The following HDC variants were observed in gnomAD, a reference collection of about 807,000 sequenced individuals.
HDC encodes the protein histidine decarboxylase.
In HDC, 27 loss-of-function variants were observed where a neutral mutation model predicts 64.4. The observed-to-expected ratio is 0.42, with a 90% CI of 0.31 to 0.58. HDC has a LOEUF of 0.58. Ranked by LOEUF, HDC falls within the 20% of genes least tolerant of loss-of-function variation. HDC has a pLI of 0.16. For missense variants in HDC, 711 were observed against 833.9 expected (o/e 0.85, Z 1.81); for synonymous variants, 305 against 314.2 (o/e 0.97, Z 0.31).
chr15:50,246,566 C>T (rs190542460), intron 10 of HDC, among the ~76,000 whole-genome samples: 48 of 152,136 alleles, frequency 3.2e-4, no homozygotes, highest in African/African-American at 1.0e-3. Flanking sequence ...CTGGATGGGT[C>T]GATGAAATGC....
At chr15:50,261,748 T>C (rs936743765) in intron 2 of HDC, among the ~76,000 whole-genome samples, 2 of 151,694 alleles carry the variant, frequency 1.3e-5, no homozygotes, top group East Asian at 3.9e-4. Context: ...TCGCTCTTGT[T>C]GCCCAGGCTG....
chr15:50,260,074 T>C (rs1595710964), intron 2 of HDC, among the ~76,000 whole-genome samples: 1 of 150,902 alleles, frequency 6.6e-6, no homozygotes, highest in South Asian at 2.1e-4. Flanking sequence ...AGGGCTGGAG[T>C]GCAGCAGCGC....
chr15:50,254,570 G>C lies in HDC; in HGVS notation c.536C>G (p.Ser179Cys). The C allele has an allele frequency of 6.2e-7, 1 of 1,614,228 alleles. No individual in the cohort carries two copies. The highest frequency in any genetic ancestry group is 8.5e-7 in the Non-Finnish European group (1 of 1,180,038). The change falls in exon 5 of 12, where the codon TCC becomes TGC. Residue 179 changes from serine to cysteine, a missense_variant. By Grantham distance (112) the Ser-to-Cys change is moderately radical. Coordinates refer to ENST00000267845, the MANE Select transcript of HDC (RefSeq NM_002112.4). ...GGCCACGAGTCGGGCATTTAGGCAG[G>C]ACTCATCAGCATCGGGCTCAGACGT... ...MKTSEPDADE[S>C]CLNARLVAYA...
Position 50,258,437 on chromosome 15 carries a change from C to T in HDC, c.285G>A (p.Leu95=), listed in dbSNP as rs754638053. 3.1e-6 allele frequency: 5 copies of T among 1,613,460 alleles called. No individual in the cohort carries two copies. Among genetic ancestry groups the T allele is most frequent in the Non-Finnish European group, 3.4e-6 (4 of 1,179,486 alleles). ...TSWPSLLGDM[L]ADAINCLGFT... ...ATCCCAAGCAGTTGATGGCATCAGCCAGCATGTCTCCTAGCAGGGAGGGCC... is the reference window on the plus strand; with the variant it reads ...ATCCCAAGCAGTTGATGGCATCAGCTAGCATGTCTCCTAGCAGGGAGGGCC... Residue 95 remains leucine, a synonymous_variant, in exon 3 of 12, where the codon CTG becomes CTA. Transcript: ENST00000267845.
chr15:50,264,697 C>G (rs1379759127), intron 1 of HDC, among the ~76,000 whole-genome samples: 1 of 152,150 alleles, frequency 6.6e-6, no homozygotes, highest in Non-Finnish European at 1.5e-5. Context: ...CCCTCTGCAT[C>G]AGCTTATGCA....
intron 9 of HDC, among the ~76,000 whole-genome samples, chr15:50,251,318 C>G (rs915598905): frequency 3.9e-5 from 6 of 152,206 alleles, no homozygotes; most frequent in Non-Finnish European, 7.3e-5. Flanking sequence ...CTATGCCTAC[C>G]ATATATTGAG....
At chr15:50,249,573 G>A (rs1158375967) in intron 9 of HDC, among the ~76,000 whole-genome samples, 2 of 152,196 alleles carry the variant, frequency 1.3e-5, no homozygotes, top group Admixed American at 1.3e-4. Context: ...CTGTTGTGCT[G>A]GGGAGCAGCT....
At chr15:50,252,897 G>A in intron 7 of HDC, 123 bp from the exon 8 acceptor site, 1 of 996,612 alleles carries the variant, frequency 1.0e-6, no homozygotes, top group African/African-American at 1.6e-5. Context: ...AGAAACGGAG[G>A]GGTGTGGAGA....
At chr15:50,247,950 C>A (rs1260505046) in intron 10 of HDC, among the ~76,000 whole-genome samples, 1 of 147,204 alleles carries the variant, frequency 6.8e-6, no homozygotes, top group Admixed American at 6.7e-5. Context: ...CTTTCTCTTT[C>A]TCTTTCCTGC....
rs1183705126 is a variant in HDC, at chr15:50,242,763, C to G, written c.1486G>C (p.Gly496Arg). 3 of 1,613,890 alleles carry G rather than the reference C, an allele frequency of 1.9e-6. No individual in the cohort carries two copies. In the African/African-American group the frequency reaches 4.0e-5, roughly 22 times the overall value. ...GTTCCACAGGCCCAGGCTCTGGCAC[C>G]CCTGATTTGGGAGATGAGGTTCCCA... Reference protein sequence around the residue: ...RVGNLISQIRGARAWACGTSL... With the variant: ...RVGNLISQIRRARAWACGTSL... Residue 496 changes from glycine (G) to arginine (R), a missense_variant, in exon 12 of 12, where the codon GGT becomes CGT. Gly to Arg is a moderately radical substitution (Grantham distance 125, BLOSUM62 -2). This residue lies in a region of HDC where 483 missense variants were observed against 540.9 expected (regional missense o/e 0.89). Coordinates refer to ENST00000267845, the MANE Select transcript of HDC (RefSeq NM_002112.4).
intron 2 of HDC, 72 bp from the exon 3 acceptor site, chr15:50,258,589 C>T: frequency 1.1e-6 from 1 of 870,422 alleles, no homozygotes; most frequent in Non-Finnish European, 1.9e-6. Context: ...CAGAGACCAT[C>T]TCTGGCAAGG....
chr15:50,242,939 G>T lies in HDC; in HGVS notation c.1310C>A (p.Pro437Gln), dbSNP rs746989923. ...GATTAACTTGTCCTGGATAGTGGCC[G>T]GGATGAGGAAGAGACGGCCAGCTTT... ...IAKAGRLFLIPATIQDKLIIR... is the reference protein window; with the variant it reads ...IAKAGRLFLIQATIQDKLIIR... The change falls in exon 12 of 12, where the codon CCG (proline) becomes CAG (glutamine). Residue 437 changes from proline (P) to glutamine (Q), a missense_variant. Pro to Gln is a moderately conservative substitution (Grantham distance 76, BLOSUM62 -1). This residue lies in a region of HDC where 483 missense variants were observed against 540.9 expected (regional missense o/e 0.89). Transcript: ENST00000267845. 2.5e-6 allele frequency: 4 copies of T among 1,614,036 alleles called. No homozygotes were observed. The highest frequency in any genetic ancestry group is 3.4e-6 in the Non-Finnish European group (4 of 1,179,952).
rs756022171 is a variant in HDC, at chr15:50,248,133, G to A, written c.1140+112C>T. On this transcript the variant is annotated intron_variant, in intron 10 of 11. Coordinates refer to ENST00000267845, the MANE Select transcript of HDC (RefSeq NM_002112.4). This position sits in a 1 kb window ranked among gnomAD's most constrained non-coding sequence, Gnocchi z 4.3. ...AGCTGAGGAACAGGCCCAGACACCTGAACCACACACCGCAAGTCTCCTAGG... is the reference window on the plus strand; with the variant it reads ...AGCTGAGGAACAGGCCCAGACACCTAAACCACACACCGCAAGTCTCCTAGG... The A allele has an allele frequency of 4.0e-6, 3 of 758,486 alleles. No individual in the cohort carries two copies. The highest frequency in any genetic ancestry group is 7.0e-6 in the Non-Finnish European group (3 of 429,154). The allele number at this position is 758,486 out of a possible 1,614,324, so 47.0% of individuals were successfully genotyped here.
At chr15:50,247,117 TA>T (rs2045492801) in intron 10 of HDC, among the ~76,000 whole-genome samples, 1 of 152,070 alleles carries the variant, frequency 6.6e-6, no homozygotes, top group Non-Finnish European at 1.5e-5. Flanking sequence ...GAATGGGGGA[TA>T]AAGAGGTGAT....
chr15:50,244,856 A>C (rs2045456934), intron 10 of HDC: 1 of 152,134 alleles, frequency 6.6e-6, no homozygotes, highest in Non-Finnish European at 1.5e-5. Context: ...CACCTGGGCT[A>C]TGGTGGGAGC....
At chr15:50,244,002 T>C (rs1398339360) in intron 10 of HDC, among the ~76,000 whole-genome samples, 1 of 152,226 alleles carries the variant, frequency 6.6e-6, no homozygotes, top group Non-Finnish European at 1.5e-5. Context: ...CATTCTATGG[T>C]ATGAATATTT....
chr15:50,254,738 TTCTCTCTCTCTCTCTCTCTCTCTCTC>T, intron 4 of HDC, 74 bp from the exon 5 acceptor site: 4 of 862,758 alleles, frequency 4.6e-6, no homozygotes, highest in Non-Finnish European at 6.9e-6. Flanking sequence ...TTCTAGTTTT[TTCTCTCTCTCTCTCTCTCTCTCTCTC>T]TCTCTCTCTC....
chr15:50,242,635 A>G lies in HDC; in HGVS notation c.1614T>C (p.Asn538=), dbSNP rs1549521. 70,650 of 1,613,986 alleles carry G rather than the reference A, an allele frequency of 0.044. 5,928 individuals carry two copies. The highest frequency in any genetic ancestry group is 0.37 in the African/African-American group (27,449 of 74,936). The change falls in exon 12 of 12, where the codon AAT becomes AAC. Residue 538 remains asparagine, a synonymous_variant. Transcript: ENST00000267845. ...CCAGCAGGGTTTCAAGATGGAGGCC[A>G]TTTTCCCTTTTCATGGGACCGGCTC... The part of the protein sequence containing the change: ...RVGAGPMKRE[N]GLHLETLLDP...
rs1165608701 is a variant in HDC at position 50,265,677 on chromosome 15, G to A, written c.-54C>T. ...GATGGACACGCAGGAGGTGGAAGGC[G>A]TGAAAGGCGTGGAGCAGCCCGGCTT... is the stretch of plus-strand genomic sequence containing the variant. On this transcript the variant is annotated 5_prime_UTR_variant, in exon 1 of 12. The change creates a new upstream start codon in the 5' untranslated region. Coordinates refer to ENST00000267845, the MANE Select transcript of HDC (RefSeq NM_002112.4). 16 of 1,566,218 alleles carry A rather than the reference G, an allele frequency of 1.0e-5. No homozygotes were observed. The highest frequency in any genetic ancestry group is 4.5e-5 in the South Asian group (4 of 89,838).
Sources: gnomAD v4.1 joint callset for allele counts (sites outside exome capture counted in the v4.1 genomes callset) on GRCh38, gnomAD v4.1.1 for gene constraint, gnomAD v4.1.1 regional missense constraint, Gnocchi (gnomAD v3.1) non-coding constraint, MANE v1.5 for transcripts, NCBI Gene and HGNC (gene_info 2026-07-23, HGNC 2026-07-21) for gene names.